NPAS3: variants seen among roughly 807,000 people sequenced by gnomAD.
NPAS3 encodes the protein neuronal PAS domain protein 3, also known as neuronal PAS domain-containing protein 3.
A neutral mutation model predicts 73.1 loss-of-function variants in NPAS3; 14 were observed. The ratio of observed to expected loss-of-function variants is 0.19; its 90% CI spans 0.13 to 0.30. The LOEUF is 0.30. Among genes scored for constraint, NPAS3 ranks in the 10% least tolerant of loss-of-function variants. The probability of loss-of-function intolerance (pLI) is 1.00; values close to 1 mark genes in which losing one functional copy is unlikely to be tolerated. For missense variants in NPAS3, 1,096 were observed against 1,250.0 expected, an observed-to-expected ratio of 0.88 and a Z score of 1.86; for synonymous variants, 620 against 541.5, an observed-to-expected ratio of 1.14 and a Z score of -2.01.
At chr14:33,619,048 T>C (rs2058005260) in intron 5 of NPAS3, among the ~76,000 whole-genome samples, 1 of 152,244 alleles carries the variant, frequency 6.6e-6, no homozygotes, top group Non-Finnish European at 1.5e-5. Flanking sequence ...TAATTTCTTT[T>C]TTACTGTTTC....
At chr14:33,419,825 G>A (rs1721674971) in intron 4 of NPAS3, among the ~76,000 whole-genome samples, 1 of 151,868 alleles carries the variant, frequency 6.6e-6, no homozygotes, top group African/African-American at 2.4e-5. Context: ...GAGGCTGTGT[G>A]GGAAAGAACT....
intron 6 of NPAS3, among the ~76,000 whole-genome samples, chr14:33,718,094 G>A (rs1056434625): frequency 2.0e-5 from 3 of 151,954 alleles, no homozygotes; most frequent in African/African-American, 4.8e-5. Context: ...CACACGCAAC[G>A]CCAAACCAGC....
chr14:33,066,904 G>A (rs926867511), intron 2 of NPAS3, among the ~76,000 whole-genome samples: 3 of 152,164 alleles, frequency 2.0e-5, no homozygotes, highest in African/African-American at 4.8e-5. Flanking sequence ...TAATTGATAC[G>A]GCTGAAATCC....
intron 6 of NPAS3, among the ~76,000 whole-genome samples, chr14:33,710,903 A>G (rs1355099765): frequency 6.6e-6 from 1 of 152,230 alleles, no homozygotes; most frequent in African/African-American, 2.4e-5. Flanking sequence ...TTAGATTACC[A>G]GGTAGCCAGA....
At chr14:33,130,942 C>A (rs2043613285) in intron 2 of NPAS3, among the ~76,000 whole-genome samples, 1 of 152,124 alleles carries the variant, frequency 6.6e-6, no homozygotes, top group Non-Finnish European at 1.5e-5. Flanking sequence ...GCTTTCACTT[C>A]CAGAAGGGAC....
intron 5 of NPAS3, among the ~76,000 whole-genome samples, chr14:33,616,631 G>A (rs888941418): frequency 1.3e-5 from 2 of 152,130 alleles, no homozygotes; most frequent in African/African-American, 2.4e-5. Context: ...TGTGCTTTTT[G>A]TTGGAATCTC....
chr14:33,231,589 T>A (rs1408015441), intron 3 of NPAS3, among the ~76,000 whole-genome samples: 2 of 152,210 alleles, frequency 1.3e-5, no homozygotes, highest in African/African-American at 4.8e-5. Flanking sequence ...AATCATAGAA[T>A]TCACATGCTG....
chr14:33,725,656 G>A (rs183817037), intron 6 of NPAS3, among the ~76,000 whole-genome samples: 220 of 152,174 alleles, frequency 1.4e-3, no homozygotes, highest in Non-Finnish European at 1.7e-3. Flanking sequence ...AGCTCATCAT[G>A]TCATCAGTTT....
intron 2 of NPAS3, among the ~76,000 whole-genome samples, chr14:33,138,064 T>TC (rs1441359291): frequency 6.6e-5 from 10 of 152,120 alleles, no homozygotes; most frequent in Non-Finnish European, 1.3e-4. Context: ...TTTTTTTTTT[T>TC]TAATTATACT....
intron 4 of NPAS3, among the ~76,000 whole-genome samples, chr14:33,369,803 T>C (rs1002032742): frequency 3.3e-5 from 5 of 152,194 alleles, no homozygotes; most frequent in Non-Finnish European, 4.4e-5. Flanking sequence ...TCCCTTAAGC[T>C]ATCTTATTAG....
intron 4 of NPAS3, among the ~76,000 whole-genome samples, chr14:33,402,497 C>G (rs2047489912): frequency 6.6e-6 from 1 of 152,080 alleles, no homozygotes; most frequent in African/African-American, 2.4e-5. Flanking sequence ...GTTATTCTGG[C>G]TCTGGACTTG....
chr14:33,406,782 A>C (rs1187636390), intron 4 of NPAS3, among the ~76,000 whole-genome samples: 1 of 152,104 alleles, frequency 6.6e-6, no homozygotes, highest in East Asian at 1.9e-4. Flanking sequence ...ACTAGTTTTA[A>C]CCAACTACTG....
chr14:33,574,430 G>A (rs934064888), intron 5 of NPAS3, among the ~76,000 whole-genome samples: 1 of 152,176 alleles, frequency 6.6e-6, no homozygotes, highest in African/African-American at 2.4e-5. Context: ...AGACCCATCA[G>A]TTGAAAGATT....
intron 4 of NPAS3, among the ~76,000 whole-genome samples, chr14:33,500,341 G>T (rs2052450141): frequency 6.6e-6 from 1 of 151,822 alleles, no homozygotes; most frequent in South Asian, 2.1e-4. Context: ...TTTCTCTCTG[G>T]GGTGTCTTTC....
At chr14:33,701,689 G>T (rs140568519) in intron 6 of NPAS3, among the ~76,000 whole-genome samples, 40 of 152,256 alleles carry the variant, frequency 2.6e-4, no homozygotes, top group Admixed American at 4.6e-4. Flanking sequence ...CTACACAGGA[G>T]TATTTAGAGC....
intron 2 of NPAS3, among the ~76,000 whole-genome samples, chr14:33,129,352 C>T (rs965905958): frequency 1.3e-5 from 2 of 152,170 alleles, no homozygotes; most frequent in Admixed American, 6.6e-5. Context: ...TAGCTAAGCA[C>T]TTTCAGAGAC....
At chr14:33,614,856 T>G (rs1567056198) in intron 5 of NPAS3, among the ~76,000 whole-genome samples, 1 of 152,104 alleles carries the variant, frequency 6.6e-6, no homozygotes, top group African/African-American at 2.4e-5. Flanking sequence ...ATACCCAAAT[T>G]CCTGAAGAAT....
At chr14:33,425,375 G>T (rs550150861) in intron 4 of NPAS3, among the ~76,000 whole-genome samples, 3 of 152,006 alleles carry the variant, frequency 2.0e-5, no homozygotes, top group African/African-American at 7.2e-5. Context: ...TGATGAGTTA[G>T]TTACTTTTAT....
intron 1 of NPAS3, among the ~76,000 whole-genome samples, chr14:32,954,854 C>G (rs2139171637): frequency 6.6e-6 from 1 of 152,218 alleles, no homozygotes; most frequent in Non-Finnish European, 1.5e-5. Context: ...AAAGTTTGAT[C>G]ATGCCTAGCA....
Sources: gnomAD v4.1 joint callset for allele counts (sites outside exome capture counted in the v4.1 genomes callset) on GRCh38, gnomAD v4.1.1 for gene constraint, MANE v1.5 for transcripts, NCBI Gene and HGNC (gene_info 2026-07-23, HGNC 2026-07-21) for gene names.